The following ABCC8 variants were observed in gnomAD, a reference collection of about 807,000 sequenced individuals.
The protein encoded by ABCC8 is ATP-binding cassette sub-family C member 8.
A neutral mutation model predicts 188.0 loss-of-function variants in ABCC8; 137 were observed. The ratio of observed to expected loss-of-function variants is 0.73; its 90% CI spans 0.63 to 0.84. The LOEUF is 0.84. ABCC8 is among the 40% of genes least tolerant of loss of function. The probability of loss-of-function intolerance (pLI) is 0.00; values close to 1 mark genes in which losing one functional copy is unlikely to be tolerated. For synonymous variants in ABCC8, 797 were observed against 846.5 expected, an observed-to-expected ratio of 0.94 and a Z score of 1.01; for missense variants, 1,750 against 2,072.7, an observed-to-expected ratio of 0.84 and a Z score of 3.02.
At position 17,407,416 on chromosome 11, in the gene ABCC8, T is replaced by C. The variant is rs761960758; in HGVS notation, c.2858A>G (p.Gln953Arg). 3 of 1,614,022 alleles carry C rather than the reference T, an allele frequency of 1.9e-6. No individual in the cohort carries two copies. The African/African-American group carries it at 4.0e-5, about 22-fold the overall frequency. Residue 953 changes from glutamine to arginine, a missense_variant, in exon 24 of 39, where the codon CAG becomes CGG. Transcript: ENST00000389817. ...VTERKATEPP[Q>R]GLSRAMSSRD... The stretch of plus-strand genomic sequence containing the variant: ...CGAGGACATGGCACGAGATAGGCCC[T>C]GGGGTGGCTCTGTGGCTTTTCTCTC...
At position 17,450,632 on chromosome 11, in the gene ABCC8, T is replaced by C. The variant is rs184244018; in HGVS notation, c.1177-1961A>G. Among the ~76,000 whole-genome samples the C allele has an allele frequency of 8.3e-3, 1,229 of 147,866 alleles. 15 individuals are homozygous for C. Among genetic ancestry groups the C allele is most frequent in the African/African-American group, 0.028 (1,131 of 40,016 alleles). ...CAGGATGGTCTCGATCTCCTGACCT[T>C]GTGATCCACCCGCCTTGGCCTCCCA... On this transcript the variant is annotated intron_variant, in intron 7 of 38. Transcript: ENST00000389817.
chr11:17,440,324 C>CT (rs1956266214), intron 10 of ABCC8, among the ~76,000 whole-genome samples: 1 of 152,160 alleles, frequency 6.6e-6, no homozygotes, highest in Admixed American at 6.5e-5. Context: ...CTGTACAAAA[C>CT]TGGGGGGCTA....
intron 2 of ABCC8, among the ~76,000 whole-genome samples, chr11:17,472,050 C>G (rs1848511040): frequency 6.6e-6 from 1 of 152,312 alleles, no homozygotes; most frequent in African/African-American, 2.4e-5. Flanking sequence ...CCTCTACTCT[C>G]TCACACATTT....
rs1178901495 is a variant in ABCC8, at chr11:17,407,054, G to C, written c.2996C>G (p.Ala999Gly). 2 of 1,614,098 alleles carry C rather than the reference G, an allele frequency of 1.2e-6. No homozygotes were observed. Among genetic ancestry groups the C allele is most frequent in the East Asian group, 2.2e-5 (1 of 44,876 alleles). Residue 999 changes from alanine to glycine, a missense_variant, in exon 25 of 39, where the codon GCC (alanine) becomes GGC (glycine). Ala to Gly is a moderately conservative substitution (Grantham distance 60). Coordinates refer to ENST00000389817, the MANE Select transcript of ABCC8 (RefSeq NM_000352.6). ...LHQRAEIPWR[A>G]CAKYLSSAGI... ...GGCGGAGGACAGGTACTTGGCGCAGGCTCGCCATGGGATCTCAGCACGCTG... is the reference window on the plus strand; with the variant it reads ...GGCGGAGGACAGGTACTTGGCGCAGCCTCGCCATGGGATCTCAGCACGCTG...
chr11:17,407,500 G>T lies in ABCC8; in HGVS notation c.2821-47C>A, dbSNP rs748785030. The T allele has an allele frequency of 6.8e-6, 11 of 1,613,644 alleles. No individual in the cohort carries two copies. In the African/African-American group the frequency reaches 1.3e-4, roughly 20 times the overall value. On this transcript the variant is annotated intron_variant, in intron 23 of 38. Coordinates refer to ENST00000389817, the MANE Select transcript of ABCC8 (RefSeq NM_000352.6). ...GGCAATGTCTTCAGGATATATGGTT[G>T]GTGGGGGAAGGGGAAGTTAAGGGGT...
chr11:17,470,281 GCC>G (rs1164343489), intron 2 of ABCC8, 59 bp from the exon 3 acceptor site: 2 of 1,611,078 alleles, frequency 1.2e-6, no homozygotes, highest in Non-Finnish European at 1.7e-6. Flanking sequence ...CAATAGAGCA[GCC>G]CAGGCCTTGA....
intron 10 of ABCC8, chr11:17,436,128 A>G: frequency 1.3e-6 from 1 of 785,006 alleles, no homozygotes; most frequent in Non-Finnish European, 2.3e-6. Flanking sequence ...GCTGAGGGCT[A>G]AAGTGGGCTC....
chr11:17,428,267 G>A, intron 14 of ABCC8, 22 bp downstream of exon 14: 2 of 1,614,020 alleles, frequency 1.2e-6, no homozygotes, highest in Non-Finnish European at 1.7e-6. Flanking sequence ...TGGGTGGCCA[G>A]GCATGGGGCA....
At chr11:17,420,331 G>T (rs1350443136) in intron 16 of ABCC8, among the ~76,000 whole-genome samples, 1 of 152,178 alleles carries the variant, frequency 6.6e-6, no homozygotes, top group Non-Finnish European at 1.5e-5. Flanking sequence ...GTCTCAGAGA[G>T]GTGAAGTAAC....
Position 17,428,277 on chromosome 11 carries a change from A to T in ABCC8, c.2040+12T>A. ...GGTGCTGGGTGGCCAGGCATGGGGC[A>T]GCAGGACTCACCTGGACACAGCAGT... On this transcript the variant is annotated intron_variant, in intron 14 of 38. Coordinates refer to ENST00000389817, the MANE Select transcript of ABCC8 (RefSeq NM_000352.6). The T allele has an allele frequency of 6.2e-7, 1 of 1,614,060 alleles. No homozygotes were observed. The highest frequency in any genetic ancestry group is 1.7e-5 in the Admixed American group (1 of 60,024).
chr11:17,430,016 TTCC>T (rs1955772966), intron 12 of ABCC8: 2 of 152,488 alleles, frequency 1.3e-5, no homozygotes, highest in Admixed American at 1.3e-4. Flanking sequence ...GGGTGTCACC[TTCC>T]TCAAGGCTGA....
At chr11:17,449,467 G>T (rs755665149) in intron 7 of ABCC8, among the ~76,000 whole-genome samples, 4 of 152,208 alleles carry the variant, frequency 2.6e-5, no homozygotes, top group Non-Finnish European at 5.9e-5. Flanking sequence ...GACCGCGTGA[G>T]TCAGTCAGCC....
chr11:17,439,008 T>A (rs979676013), intron 10 of ABCC8, among the ~76,000 whole-genome samples: 27 of 152,258 alleles, frequency 1.8e-4, no homozygotes, highest in African/African-American at 5.5e-4. Flanking sequence ...GTTCTGTGCA[T>A]GTTAGCTCTG....
rs762982215 is a variant in ABCC8, at chr11:17,442,897, G to C, written c.1468-15C>G. 3.7e-6 allele frequency: 6 copies of C among 1,609,668 alleles called. No individual in the cohort carries two copies. The highest frequency in any genetic ancestry group is 4.5e-5 in the East Asian group (2 of 44,872). On this transcript the variant is annotated splice_polypyrimidine_tract_variant and intron_variant, in intron 9 of 38. Transcript: ENST00000389817. ...TTGGAATACTCCTGCAGGGGTCCCC[G>C]AGTCAGAGGGGAGAGGCTTCTGCTC...
intron 22 of ABCC8, 186 bp downstream of exon 22, chr11:17,410,330 C>T: frequency 1.5e-6 from 1 of 664,086 alleles, no homozygotes; most frequent in South Asian, 1.9e-5. Flanking sequence ...CTAGGTGATA[C>T]CAAACCCCTG....
At chr11:17,423,804 C>A (rs1205386367) in intron 16 of ABCC8, among the ~76,000 whole-genome samples, 2 of 152,196 alleles carry the variant, frequency 1.3e-5, no homozygotes, top group African/African-American at 4.8e-5. Context: ...GACTGTCAGG[C>A]TAGCTATGCC....
intron 7 of ABCC8, among the ~76,000 whole-genome samples, chr11:17,451,575 C>G (rs1956818192): frequency 6.6e-6 from 1 of 152,258 alleles, no homozygotes; most frequent in South Asian, 2.1e-4. Flanking sequence ...CTCTCGGTCC[C>G]TTTTCTGCAG....
chr11:17,413,604 C>T (rs974414267), intron 19 of ABCC8, 126 bp from the exon 20 acceptor site: 29 of 1,584,828 alleles, frequency 1.8e-5, no homozygotes, highest in African/African-American at 2.7e-5. Flanking sequence ...ATAGGCCTCC[C>T]GCTTGGGTGC....
intron 8 of ABCC8, among the ~76,000 whole-genome samples, chr11:17,445,782 T>G (rs1456299823): frequency 1.3e-5 from 2 of 150,466 alleles, no homozygotes; most frequent in Non-Finnish European, 3.0e-5. Flanking sequence ...TCAGTAGATA[T>G]GAAAATCTCT....
Sources: gnomAD v4.1 joint callset for allele counts (sites outside exome capture counted in the v4.1 genomes callset) on GRCh38, gnomAD v4.1.1 for gene constraint, MANE v1.5 for transcripts, NCBI Gene and HGNC (gene_info 2026-07-23, HGNC 2026-07-21) for gene names.